Variants in IGSF21 observed in about 807,000 individuals in gnomAD.
The protein encoded by IGSF21 is immunoglobin superfamily member 21.
A neutral mutation model predicts 46.8 loss-of-function variants in IGSF21; 28 were observed. That is an observed-to-expected ratio of 0.60 (90% CI 0.44 to 0.82). The LOEUF is 0.82. Among genes scored for constraint, IGSF21 ranks in the 40% least tolerant of loss-of-function variants. IGSF21 has a pLI of 0.00. For synonymous variants in IGSF21, 284 were observed against 273.6 expected, an observed-to-expected ratio of 1.04 and a Z score of -0.38; for missense variants, 624 against 665.5, an observed-to-expected ratio of 0.94 and a Z score of 0.69.
intron 3 of IGSF21, among the ~76,000 whole-genome samples, chr1:18,305,349 AGATGGATAGATGCATGGACG>A (rs2085410100): frequency 7.0e-6 from 1 of 142,508 alleles, no homozygotes; most frequent in African/African-American, 2.7e-5. Context: ...ATGCATGGAT[AGATGGATAGATGCATGGACG>A]GATGGATGGA....
chr1:18,183,186 C>A (rs562966059), intron 1 of IGSF21, among the ~76,000 whole-genome samples: 1 of 152,304 alleles, frequency 6.6e-6, no homozygotes, highest in African/African-American at 2.4e-5. Flanking sequence ...TCTTACCTTG[C>A]CCTGCATGTC....
chr1:18,359,380 A>AGGC (rs1557659613), intron 4 of IGSF21, among the ~76,000 whole-genome samples: 46 of 105,804 alleles, frequency 4.3e-4, no homozygotes, highest in African/African-American at 1.8e-3. Context: ...GAAAGAAAGA[A>AGGC]AGAAAGGAAG....
chr1:18,222,227 CCT>C (rs2084517469), intron 1 of IGSF21, among the ~76,000 whole-genome samples: 2 of 152,198 alleles, frequency 1.3e-5, no homozygotes, highest in African/African-American at 4.8e-5. Flanking sequence ...TCTTGAGCCT[CCT>C]CTCTAGTTTT....
intron 3 of IGSF21, among the ~76,000 whole-genome samples, chr1:18,311,981 G>C (rs1343544007): frequency 6.6e-6 from 1 of 152,140 alleles, no homozygotes; most frequent in Non-Finnish European, 1.5e-5. Context: ...CTCTGCTCAG[G>C]TGTCACCTCC....
chr1:18,344,896 C>G (rs926156795), intron 4 of IGSF21, among the ~76,000 whole-genome samples: 5 of 152,206 alleles, frequency 3.3e-5, no homozygotes, highest in African/African-American at 1.2e-4. Flanking sequence ...TGGCCACAGA[C>G]TCCAGGGAGC....
intron 2 of IGSF21, among the ~76,000 whole-genome samples, chr1:18,240,001 C>T (rs112977246): frequency 6.6e-6 from 1 of 152,224 alleles, no homozygotes; most frequent in African/African-American, 2.4e-5. Context: ...TGGGCACACA[C>T]AGGCTGTGGC....
chr1:18,209,836 C>T (rs1353788843), intron 1 of IGSF21, among the ~76,000 whole-genome samples: 1 of 152,036 alleles, frequency 6.6e-6, no homozygotes, highest in Non-Finnish European at 1.5e-5. Flanking sequence ...TTTCTTGTCC[C>T]TGGAGACAAA....
intron 4 of IGSF21, among the ~76,000 whole-genome samples, chr1:18,350,489 G>T (rs1002038687): frequency 2.0e-5 from 3 of 152,176 alleles, no homozygotes; most frequent in African/African-American, 7.2e-5. Context: ...TCTTTACAAA[G>T]ATGCAATCCA....
intron 6 of IGSF21, among the ~76,000 whole-genome samples, chr1:18,374,742 A>G (rs1276099863): frequency 6.6e-6 from 1 of 152,182 alleles, no homozygotes; most frequent in East Asian, 1.9e-4. Context: ...ACATCTGCCA[A>G]CTGCTCTGAT....
chr1:18,159,067 G>A (rs1045632990), intron 1 of IGSF21, among the ~76,000 whole-genome samples: 4 of 152,136 alleles, frequency 2.6e-5, no homozygotes, highest in East Asian at 1.9e-4. Flanking sequence ...GGGTTTGGTC[G>A]CCTCTCTGCC....
At chr1:18,279,297 G>T (rs450956) in intron 2 of IGSF21, among the ~76,000 whole-genome samples, 152,336 of 152,336 alleles carry the variant, frequency 1, 76,168 homozygotes, top group Non-Finnish European at 1. Flanking sequence ...AAGGTATATG[G>T]CTCCTGACAG....
At chr1:18,275,596 G>A (rs1024053002) in intron 2 of IGSF21, among the ~76,000 whole-genome samples, 1 of 152,136 alleles carries the variant, frequency 6.6e-6, no homozygotes, top group African/African-American at 2.4e-5. Flanking sequence ...AGTGGGGAAA[G>A]GAACCTCACC....
At chr1:18,147,398 C>T (rs1488389639) in intron 1 of IGSF21, among the ~76,000 whole-genome samples, 1 of 152,156 alleles carries the variant, frequency 6.6e-6, no homozygotes, top group East Asian at 1.9e-4. Context: ...CCTTTGAACT[C>T]AGAGCTTCCT....
intron 3 of IGSF21, among the ~76,000 whole-genome samples, chr1:18,332,847 C>T (rs1557647750): frequency 6.6e-6 from 1 of 152,146 alleles, no homozygotes; most frequent in Non-Finnish European, 1.5e-5. Context: ...GATGGGCTGG[C>T]TCAGCTCACT....
intron 1 of IGSF21, among the ~76,000 whole-genome samples, chr1:18,200,220 G>A (rs1392540473): frequency 6.6e-6 from 1 of 152,220 alleles, no homozygotes; most frequent in East Asian, 1.9e-4. Flanking sequence ...AAGCCTATCT[G>A]TCTCCTGACA....
chr1:18,280,168 G>C (rs998302056), intron 2 of IGSF21, among the ~76,000 whole-genome samples: 1 of 152,140 alleles, frequency 6.6e-6, no homozygotes. Context: ...ACAGGCAGGG[G>C]ATGTGGGCCA....
intron 1 of IGSF21, among the ~76,000 whole-genome samples, chr1:18,149,508 C>T (rs747210232): frequency 6.6e-6 from 1 of 151,976 alleles, no homozygotes; most frequent in Non-Finnish European, 1.5e-5. Context: ...GGTGATATAT[C>T]CTGACTCCTC....
intron 4 of IGSF21, among the ~76,000 whole-genome samples, chr1:18,352,348 A>G (rs1382065706): frequency 6.6e-6 from 1 of 152,116 alleles, no homozygotes; most frequent in Non-Finnish European, 1.5e-5. Context: ...CGGTCCACAT[A>G]TTTGAACTTG....
At chr1:18,254,947 C>G (rs1450528953) in intron 2 of IGSF21, among the ~76,000 whole-genome samples, 1 of 152,196 alleles carries the variant, frequency 6.6e-6, no homozygotes, top group Non-Finnish European at 1.5e-5. Context: ...TTACACTGGG[C>G]CCTCAGCACT....
Sources: allele counts gnomAD v4.1 joint callset (sites outside exome capture counted in the v4.1 genomes callset), GRCh38; gene constraint gnomAD v4.1.1; transcripts MANE v1.5; gene names NCBI Gene and HGNC (gene_info 2026-07-23, HGNC 2026-07-21).